Variants in CAMTA1 observed in about 807,000 individuals in gnomAD.
CAMTA1 encodes the protein calmodulin binding transcription activator 1, also known as calmodulin-binding transcription activator 1.
In CAMTA1, 27 loss-of-function variants were observed where a neutral mutation model predicts 170.9. That is an observed-to-expected ratio of 0.16 (90% CI 0.12 to 0.22). CAMTA1 has a LOEUF of 0.22. Ranked by LOEUF, CAMTA1 falls within the 10% of genes least tolerant of loss-of-function variation. The probability of loss-of-function intolerance (pLI) is 1.00; values close to 1 mark genes in which losing one functional copy is unlikely to be tolerated. For synonymous variants in CAMTA1, 833 were observed against 891.5 expected (o/e 0.93, Z 1.17); for missense variants, 1,619 against 2,217.2 (o/e 0.73, Z 5.42).
intron 4 of CAMTA1, among the ~76,000 whole-genome samples, chr1:7,245,086 G>A (rs1427819144): frequency 4.6e-5 from 7 of 151,194 alleles, no homozygotes; most frequent in African/African-American, 1.7e-4. Flanking sequence ...GTATGCCTAG[G>A]CATTTAATTT....
At position 7,248,768 on chromosome 1, in the gene CAMTA1, C is replaced by T. The variant is rs908558587; in HGVS notation, c.303-723C>T. On this transcript the variant is annotated intron_variant, in intron 4 of 22. Transcript: ENST00000303635. This position sits in a 1 kb window ranked among gnomAD's most constrained non-coding sequence, Gnocchi z 4.0. ...GTTCTTTACCTTTTTCATCATCACA[C>T]GAATGACCATCTAACTCTTAGCATT... Among the ~76,000 whole-genome samples the T allele has an allele frequency of 2.0e-5, 3 of 152,244 alleles. No individual in the cohort carries two copies. Among genetic ancestry groups the T allele is most frequent in the African/African-American group, 7.2e-5 (3 of 41,538 alleles).
intron 6 of CAMTA1, among the ~76,000 whole-genome samples, chr1:7,490,756 G>A (rs1411328262): frequency 6.6e-6 from 1 of 152,198 alleles, no homozygotes; most frequent in Non-Finnish European, 1.5e-5. Context: ...GTCTGTGCTA[G>A]AAGGTGCTGC....
rs762430022 is a variant in CAMTA1 at position 7,767,040 on chromosome 1, T to G, written c.*549T>G. 9.8e-5 allele frequency: 15 copies of G among 152,884 alleles called. No individual in the cohort carries two copies. The highest frequency in any genetic ancestry group is 8.8e-5 in the Non-Finnish European group (6 of 68,194). 9.5% of individuals were successfully genotyped at this position (152,884 alleles called of 1,614,324 possible). A position where few individuals can be genotyped will look rare whatever the true frequency, so the allele number is the denominator to read the frequency against. On this transcript the variant is annotated 3_prime_UTR_variant, in exon 23 of 23. Coordinates refer to ENST00000303635, the MANE Select transcript of CAMTA1 (RefSeq NM_015215.4). ...ATTGGGTCCGTGTGTTCTCATTTCC[T>G]TCACTGTTTATTTTTGTTTGTTTGT...
chr1:7,463,504 G>C lies in CAMTA1; in HGVS notation c.439-4326G>C, dbSNP rs1293979045. ...CTGCAGAGATGGAGAGAGAGAGAAA[G>C]AAAGAGACTGAGAAAGAGATTGAGA... On this transcript the variant is annotated intron_variant, in intron 5 of 22. Transcript: ENST00000303635. The surrounding 1 kb of genome is among the most constrained non-coding windows in gnomAD (Gnocchi z 4.7). 1.3e-5 allele frequency among the ~76,000 whole-genome samples: 2 copies of C among 151,368 alleles called. No individual in the cohort carries two copies. Among genetic ancestry groups the C allele is most frequent in the Non-Finnish European group, 2.9e-5 (2 of 67,872 alleles).
intron 5 of CAMTA1, among the ~76,000 whole-genome samples, chr1:7,439,517 T>C (rs1187128799): frequency 6.6e-6 from 1 of 152,162 alleles, no homozygotes; most frequent in Non-Finnish European, 1.5e-5. Context: ...TGCCTGAGTC[T>C]GTGTGGGACC....
At chr1:6,813,542 G>T (rs1037097318) in intron 1 of CAMTA1, among the ~76,000 whole-genome samples, 1 of 150,352 alleles carries the variant, frequency 6.7e-6, no homozygotes, top group African/African-American at 2.5e-5. Context: ...TTTCTCAAAT[G>T]AATAGAGGGA....
chr1:7,526,533 G>C (rs144108905), intron 6 of CAMTA1, among the ~76,000 whole-genome samples: 2 of 152,352 alleles, frequency 1.3e-5, no homozygotes, highest in South Asian at 4.1e-4. Flanking sequence ...GGCCTCGTCG[G>C]GGTTCAGAAC....
intron 6 of CAMTA1, among the ~76,000 whole-genome samples, chr1:7,591,844 G>A (rs982475379): frequency 2.0e-5 from 3 of 152,080 alleles, no homozygotes; most frequent in Non-Finnish European, 4.4e-5. Flanking sequence ...TGCCCGCCAC[G>A]CCTCCCTAGA....
At chr1:7,506,086 G>C (rs17505750) in intron 6 of CAMTA1, among the ~76,000 whole-genome samples, 85,453 of 152,066 alleles carry the variant, frequency 0.56, 24,334 homozygotes, top group African/African-American at 0.64. Context: ...GAATCGCAGA[G>C]GAGGAAGCCG....
At chr1:7,003,887 T>C (rs1698601624) in intron 3 of CAMTA1, among the ~76,000 whole-genome samples, 2 of 152,214 alleles carry the variant, frequency 1.3e-5, no homozygotes, top group Admixed American at 1.3e-4. Context: ...TGCCAACACA[T>C]GTCAGACAAG....
At chr1:7,140,186 T>A (rs1396653770) in intron 4 of CAMTA1, among the ~76,000 whole-genome samples, 1 of 152,190 alleles carries the variant, frequency 6.6e-6, no homozygotes, top group Non-Finnish European at 1.5e-5. Context: ...TGATCCACAG[T>A]CCAGCTTCTC....
At chr1:7,438,105 C>T (rs1308238822) in intron 5 of CAMTA1, among the ~76,000 whole-genome samples, 1 of 151,572 alleles carries the variant, frequency 6.6e-6, no homozygotes, top group African/African-American at 2.4e-5. Flanking sequence ...GGTGTAGAGG[C>T]GGAGGCAGAG....
intron 5 of CAMTA1, among the ~76,000 whole-genome samples, chr1:7,354,227 C>A (rs1462574146): frequency 1.3e-5 from 2 of 151,310 alleles, no homozygotes; most frequent in African/African-American, 4.9e-5. Context: ...TGGCTCACTG[C>A]AAGCTCCACC....
In CAMTA1 at chr1:7,665,152, C is replaced by T; in HGVS notation, c.2605C>T (p.Arg869Trp). 3 of 1,503,726 alleles carry T rather than the reference C, an allele frequency of 2.0e-6. No individual in the cohort carries two copies. Among genetic ancestry groups the T allele is most frequent in the South Asian group, 1.3e-5 (1 of 74,292 alleles). 93.1% of individuals were successfully genotyped at this position (1,503,726 alleles called of 1,614,324 possible). The change falls in exon 9 of 23, where the codon CGG (arginine) becomes TGG (tryptophan). Residue 869 changes from arginine to tryptophan, a missense_variant. Arg to Trp is a moderately radical substitution (Grantham distance 101, BLOSUM62 -3). Around this residue, in one of 8 missense-constraint regions of CAMTA1, gnomAD observed 731 missense variants for 907.6 expected, o/e 0.81. Transcript: ENST00000303635. The surrounding 1 kb of genome is among the most constrained non-coding windows in gnomAD (Gnocchi z 4.3). ...GTLGMLQQSG[R>W]VFMVTDYSPE... Reference sequence around the variant, plus strand: ...CCTAGGCATGCTGCAGCAGAGCGGACGGGTGTTCATGGTGACCGACTACTC... The same window carrying T: ...CCTAGGCATGCTGCAGCAGAGCGGATGGGTGTTCATGGTGACCGACTACTC...
In CAMTA1 at chr1:7,216,823, C is replaced by T. The variant is rs1659830546; in HGVS notation, c.303-32668C>T. Among the ~76,000 whole-genome samples the T allele has an allele frequency of 2.0e-5, 3 of 152,118 alleles. No individual in the cohort carries two copies. The highest frequency in any genetic ancestry group is 6.5e-5 in the Admixed American group (1 of 15,272). Reference sequence around the variant, plus strand: ...TGGCCTATATTTCCTACAATTTCCTCTCCTGTAAAAGTGGTTGTAGTCTTG... The same window carrying T: ...TGGCCTATATTTCCTACAATTTCCTTTCCTGTAAAAGTGGTTGTAGTCTTG... On this transcript the variant is annotated intron_variant, in intron 4 of 22. Coordinates refer to ENST00000303635, the MANE Select transcript of CAMTA1 (RefSeq NM_015215.4). This position sits in a 1 kb window ranked among gnomAD's most constrained non-coding sequence, Gnocchi z 4.0.
chr1:7,442,926 A>G (rs376905623), intron 5 of CAMTA1, among the ~76,000 whole-genome samples: 1 of 152,172 alleles, frequency 6.6e-6, no homozygotes, highest in South Asian at 2.1e-4. Flanking sequence ...AAGGGCTATG[A>G]CACAGTGCTA....
chr1:7,230,686 G>A (rs143257393), intron 4 of CAMTA1, among the ~76,000 whole-genome samples: 4 of 152,186 alleles, frequency 2.6e-5, no homozygotes, highest in East Asian at 1.9e-4. Context: ...AGCCCATGCC[G>A]GAGAGATCTG....
intron 5 of CAMTA1, among the ~76,000 whole-genome samples, chr1:7,312,654 C>T (rs796987349): frequency 1.3e-5 from 2 of 152,218 alleles, no homozygotes; most frequent in African/African-American, 4.8e-5. Context: ...TACTTTTGCT[C>T]ACTTTCCAGG....
chr1:7,262,951 C>A (rs973765567), intron 5 of CAMTA1, among the ~76,000 whole-genome samples: 1 of 152,190 alleles, frequency 6.6e-6, no homozygotes, highest in Non-Finnish European at 1.5e-5. Context: ...GGTGCAGAAC[C>A]GATCACACTT....
Sources: allele counts gnomAD v4.1 joint callset (sites outside exome capture counted in the v4.1 genomes callset), GRCh38; gene constraint gnomAD v4.1.1; regional missense constraint gnomAD v4.1.1; non-coding constraint Gnocchi (gnomAD v3.1); transcripts MANE v1.5; gene names NCBI Gene and HGNC (gene_info 2026-07-23, HGNC 2026-07-21).